PCDH7: variants seen among roughly 807,000 people sequenced by gnomAD.
PCDH7 encodes protocadherin 7, also known as protocadherin-7.
A neutral mutation model predicts 58.9 loss-of-function variants in PCDH7; 17 were observed. The observed-to-expected ratio is 0.29, with a 90% CI of 0.20 to 0.43. The LOEUF (loss-of-function observed/expected upper bound fraction) is 0.43, where lower values mean the gene tolerates loss of function less well. Among genes scored for constraint, PCDH7 ranks in the 20% least tolerant of loss-of-function variants. The pLI is 1.00. For synonymous variants in PCDH7, 664 were observed against 616.4 expected, an observed-to-expected ratio of 1.08 and a Z score of -1.14; for missense variants, 1,274 against 1,441.0, an observed-to-expected ratio of 0.88 and a Z score of 1.88.
At chr4:30,879,772 A>G (rs1309330140) in intron 1 of PCDH7, among the ~76,000 whole-genome samples, 1 of 152,150 alleles carries the variant, frequency 6.6e-6, no homozygotes, top group Non-Finnish European at 1.5e-5. Flanking sequence ...AGATAAATAG[A>G]AAATGGAAAT....
intron 3 of PCDH7, among the ~76,000 whole-genome samples, chr4:31,122,071 G>A (rs1453954203): frequency 1.3e-5 from 2 of 151,854 alleles, no homozygotes; most frequent in African/African-American, 4.8e-5. Context: ...GGAATATTTA[G>A]CCATAACTAT....
chr4:31,138,230 G>T (rs1268135190), intron 3 of PCDH7, among the ~76,000 whole-genome samples: 2 of 152,060 alleles, frequency 1.3e-5, no homozygotes, highest in African/African-American at 2.4e-5. Context: ...CATCTACCCT[G>T]CCTAGTAAAA....
chr4:31,012,238 A>G (rs566413661), intron 3 of PCDH7, among the ~76,000 whole-genome samples: 1 of 152,312 alleles, frequency 6.6e-6, no homozygotes, highest in South Asian at 2.1e-4. Flanking sequence ...GTACACCGAA[A>G]CAAACCAACA....
chr4:30,844,659 A>G (rs1257171770), intron 1 of PCDH7, among the ~76,000 whole-genome samples: 1 of 152,202 alleles, frequency 6.6e-6, no homozygotes, highest in East Asian at 1.9e-4. Flanking sequence ...CATTATTTAC[A>G]AACATGTATA....
At chr4:31,092,691 T>C (rs1713415006) in intron 3 of PCDH7, among the ~76,000 whole-genome samples, 1 of 152,048 alleles carries the variant, frequency 6.6e-6, no homozygotes, top group Admixed American at 6.6e-5. Flanking sequence ...TTATTCAAAG[T>C]TCATTTTATA....
intron 3 of PCDH7, among the ~76,000 whole-genome samples, chr4:30,992,673 A>G (rs116104218): frequency 6.6e-6 from 1 of 152,276 alleles, no homozygotes; most frequent in African/African-American, 2.4e-5. Flanking sequence ...TTACCAGAAG[A>G]GACAGAAAAA....
chr4:30,915,300 T>A (rs1742300607), intron 1 of PCDH7, among the ~76,000 whole-genome samples: 1 of 152,202 alleles, frequency 6.6e-6, no homozygotes, highest in Non-Finnish European at 1.5e-5. Flanking sequence ...GACAAGCCAA[T>A]CTTCTACTTC....
chr4:30,981,615 A>G lies in PCDH7; in HGVS notation c.*7+31400A>G, dbSNP rs184370893. ...ATATTCTATCAGCGAATAAAATACA[A>G]GCTCTTCAAAGAATCCTTTTTAAAT... On this transcript the variant is annotated intron_variant, in intron 3 of 3. Transcript: ENST00000509759. Among the ~76,000 whole-genome samples the G allele has an allele frequency of 2.9e-3, 448 of 152,354 alleles. 3 individuals carry two copies. The highest frequency in any genetic ancestry group is 3.9e-3 in the Non-Finnish European group (265 of 68,040).
At position 31,100,933 on chromosome 4, in the gene PCDH7, A is replaced by T. The variant is rs1714813614; in HGVS notation, c.*8-41540A>T. Among the ~76,000 whole-genome samples, 3 of 152,176 alleles carry T rather than the reference A, an allele frequency of 2.0e-5. No homozygotes were observed. The South Asian group carries it at 6.2e-4, about 31-fold the overall frequency. ...TAGATCATTCTCTCTGCTGATTCCT[A>T]TCAGAATATTTGCAACTCTAAAATT... On this transcript the variant is annotated intron_variant, in intron 3 of 3. Transcript: ENST00000509759.
rs766376650 is a variant in PCDH7 at position 30,721,400 on chromosome 4, A to G, written c.-23A>G. 6.8e-7 allele frequency: 1 copy of G among 1,471,426 alleles called. No individual in the cohort carries two copies. The highest frequency in any genetic ancestry group is 2.5e-5 in the East Asian group (1 of 40,712). 91.1% of individuals were successfully genotyped at this position (1,471,426 alleles called of 1,614,324 possible). A position where few individuals can be genotyped will look rare whatever the true frequency, so the allele number is the denominator to read the frequency against. On this transcript the variant is annotated 5_prime_UTR_variant, in exon 1 of 2. Transcript: ENST00000361762. This position sits in a 1 kb window ranked among gnomAD's most constrained non-coding sequence, Gnocchi z 6.7. ...CGAGGGGGCTGTGGTTAGAAGGAGC[A>G]GTAGCAGCAGCAGCAGGAGAAGATG...
At chr4:30,724,058 G>A (rs751233279) in exon 1 of PCDH7, 1 of 1,614,062 alleles carries the variant, frequency 6.2e-7, no homozygotes, top group Non-Finnish European at 8.5e-7. Context: ...CAGAGACTCA[G>A]TATTGTCATT....
intron 3 of PCDH7, among the ~76,000 whole-genome samples, chr4:31,086,230 C>T (rs571146168): frequency 7.2e-5 from 11 of 152,240 alleles, no homozygotes; most frequent in Admixed American, 4.6e-4. Flanking sequence ...ACATCCAGAC[C>T]TGTCTAGAAA....
Position 31,023,187 on chromosome 4 carries a change from G to A in PCDH7, c.*7+72972G>A, listed in dbSNP as rs1387580728. ...AGAGCATTTAATTGGCAAAGCATATGTGGAATGAAAAAGTACAGTCTTTGA... is the reference window on the plus strand; with the variant it reads ...AGAGCATTTAATTGGCAAAGCATATATGGAATGAAAAAGTACAGTCTTTGA... On this transcript the variant is annotated intron_variant, in intron 3 of 3. Coordinates refer to the PCDH7 transcript ENST00000509759. 2.0e-5 allele frequency among the ~76,000 whole-genome samples: 3 copies of A among 152,198 alleles called. No homozygotes were observed. In the East Asian group the frequency reaches 5.8e-4, roughly 29 times the overall value.
chr4:30,838,662 T>G (rs1730821389), intron 1 of PCDH7, among the ~76,000 whole-genome samples: 1 of 151,954 alleles, frequency 6.6e-6, no homozygotes, highest in African/African-American at 2.4e-5. Context: ...TTTTCCGTCT[T>G]TGTATTTTTT....
intron 1 of PCDH7, among the ~76,000 whole-genome samples, chr4:30,840,928 C>T (rs1394097897): frequency 6.6e-6 from 1 of 151,558 alleles, no homozygotes; most frequent in Non-Finnish European, 1.5e-5. Context: ...TTTGCTTTCT[C>T]ATATTCAAGG....
chr4:30,785,527 C>A (rs909490782), intron 1 of PCDH7, among the ~76,000 whole-genome samples: 1 of 151,996 alleles, frequency 6.6e-6, no homozygotes. Flanking sequence ...ACACCATTTA[C>A]ATTTTAAAAT....
At chr4:30,949,166 A>T (rs879552982) in intron 2 of PCDH7, among the ~76,000 whole-genome samples, 1 of 152,138 alleles carries the variant, frequency 6.6e-6, no homozygotes, top group Non-Finnish European at 1.5e-5. Flanking sequence ...TCATTTTTTT[A>T]CATTACTTTT....
At chr4:30,932,059 T>C (rs961953619) in intron 2 of PCDH7, among the ~76,000 whole-genome samples, 3 of 152,204 alleles carry the variant, frequency 2.0e-5, no homozygotes, top group Non-Finnish European at 1.5e-5. Context: ...TAATAATTTA[T>C]AACATTTCCT....
At chr4:31,038,634 T>C (rs1189520061) in intron 3 of PCDH7, among the ~76,000 whole-genome samples, 1 of 152,236 alleles carries the variant, frequency 6.6e-6, no homozygotes, top group African/African-American at 2.4e-5. Context: ...GTATATATTC[T>C]GTGACTTGAT....
Sources: gnomAD v4.1 joint callset for allele counts (sites outside exome capture counted in the v4.1 genomes callset) on GRCh38, gnomAD v4.1.1 for gene constraint, Gnocchi (gnomAD v3.1) non-coding constraint, MANE v1.5 for transcripts, NCBI Gene and HGNC (gene_info 2026-07-23, HGNC 2026-07-21) for gene names.